Variants in AMBRA1 observed in about 807,000 individuals in gnomAD.
AMBRA1 encodes the protein activating molecule in BECN1-regulated autophagy protein 1.
A neutral mutation model predicts 125.4 loss-of-function variants in AMBRA1; 47 were observed. The observed-to-expected ratio is 0.37, with a 90% CI of 0.30 to 0.48. The LOEUF (loss-of-function observed/expected upper bound fraction) is 0.48. AMBRA1 is among the 20% of genes least tolerant of loss of function. The probability of loss-of-function intolerance (pLI) is 0.99; values close to 1 mark genes in which losing one functional copy is unlikely to be tolerated. For synonymous variants in AMBRA1, 626 were observed against 655.5 expected (o/e 0.95, Z 0.69); for missense variants, 1,331 against 1,693.4 (o/e 0.79, Z 3.76).
At chr11:46,410,787 T>C (rs1263308989) in intron 15 of AMBRA1, among the ~76,000 whole-genome samples, 1 of 152,110 alleles carries the variant, frequency 6.6e-6, no homozygotes, top group African/African-American at 2.4e-5. Flanking sequence ...CCCTGCCCAA[T>C]GGGCATGCCT....
chr11:46,592,901 G>C (rs1292031181), intron 1 of AMBRA1, among the ~76,000 whole-genome samples: 1 of 152,088 alleles, frequency 6.6e-6, no homozygotes, highest in African/African-American at 2.4e-5. Context: ...AAACACCATA[G>C]TTATAAGATT....
chr11:46,477,030 G>C (rs1390052425), intron 11 of AMBRA1, among the ~76,000 whole-genome samples: 1 of 151,078 alleles, frequency 6.6e-6, no homozygotes, highest in Non-Finnish European at 1.5e-5. Flanking sequence ...AGAATCACTT[G>C]AACCTGGGAG....
intron 9 of AMBRA1, among the ~76,000 whole-genome samples, chr11:46,497,234 C>T (rs1231780264): frequency 6.6e-6 from 1 of 151,944 alleles, no homozygotes; most frequent in Non-Finnish European, 1.5e-5. Context: ...AGAGAGGGTG[C>T]AAAATATGGT....
Position 46,494,179 on chromosome 11 carries a change from G to A in AMBRA1, c.2365C>T (p.Arg789Ter), listed in dbSNP as rs1950555062. 3.1e-6 allele frequency: 5 copies of A among 1,606,190 alleles called. No homozygotes were observed. The highest frequency in any genetic ancestry group is 1.3e-5 in the African/African-American group (1 of 74,816). The change falls in exon 10 of 18, where the codon CGA becomes TGA. Residue 789 changes from arginine to a stop codon, truncating the protein, a stop_gained. Transcript: ENST00000683756. LOFTEE classifies it high-confidence loss of function. ...GACATCCGGGCATTGCGTGGAGCTC[G>A]GTGCCTGGATCTGTCACCATTGTCC... ...FEDNGDRSRH[R>*]APRNARMSAP... is the part of the protein sequence containing the mutation.
chr11:46,514,016 T>C (rs979736500), intron 7 of AMBRA1, among the ~76,000 whole-genome samples: 1 of 152,094 alleles, frequency 6.6e-6, no homozygotes, highest in African/African-American at 2.4e-5. Context: ...ATCAAGCTCC[T>C]GCCCCAGAAC....
intron 11 of AMBRA1, among the ~76,000 whole-genome samples, chr11:46,472,943 C>A (rs1949661780): frequency 6.6e-6 from 1 of 152,158 alleles, no homozygotes; most frequent in Non-Finnish European, 1.5e-5. Context: ...AAATCCCACT[C>A]TAGAACACAG....
chr11:46,440,020 T>G (rs1241005036), intron 12 of AMBRA1, among the ~76,000 whole-genome samples: 1 of 152,168 alleles, frequency 6.6e-6, no homozygotes, highest in Non-Finnish European at 1.5e-5. Flanking sequence ...CCAAGTGGAA[T>G]AATAATTTGG....
In AMBRA1 at chr11:46,494,025, A is replaced by G. The variant is rs776089429; in HGVS notation, c.2420+99T>C. The G allele has an allele frequency of 4.2e-5, 50 of 1,199,206 alleles. 1 individual carries two copies. The highest frequency in any genetic ancestry group is 5.9e-5 in the Non-Finnish European group (49 of 835,532). 74.3% of individuals were successfully genotyped at this position (1,199,206 alleles called of 1,614,324 possible). On this transcript the variant is annotated intron_variant, in intron 10 of 17. Coordinates refer to ENST00000683756, the MANE Select transcript of AMBRA1 (RefSeq NM_001387011.1). ...TGGGCTATGGGCCCACTAGGAAACA[A>G]TGCCAGATGTGGACAATTCAAAGAC...
intron 9 of AMBRA1, among the ~76,000 whole-genome samples, chr11:46,497,625 A>T (rs1950684311): frequency 6.6e-6 from 1 of 152,240 alleles, no homozygotes; most frequent in African/African-American, 2.4e-5. Context: ...AGGATAAAAT[A>T]GCCTATAACC....
intron 7 of AMBRA1, among the ~76,000 whole-genome samples, chr11:46,524,371 C>T (rs1951880508): frequency 2.0e-5 from 3 of 152,310 alleles, no homozygotes; most frequent in African/African-American, 7.2e-5. Context: ...CTACAATGCA[C>T]AGGACAGCCT....
chr11:46,399,902 C>A (rs1157082340), intron 17 of AMBRA1, among the ~76,000 whole-genome samples: 2 of 146,618 alleles, frequency 1.4e-5, no homozygotes, highest in East Asian at 1.9e-4. Flanking sequence ...TGTGTGGGAA[C>A]AGAAAAGACT....
chr11:46,447,725 T>C (rs1177526494), intron 11 of AMBRA1, among the ~76,000 whole-genome samples: 4 of 27,500 alleles, frequency 1.5e-4, no homozygotes, highest in East Asian at 1.2e-3. Context: ...GATAGATAGA[T>C]AGATAGATAG....
chr11:46,408,043 A>G (rs1203368693), intron 17 of AMBRA1, among the ~76,000 whole-genome samples: 1 of 152,170 alleles, frequency 6.6e-6, no homozygotes, highest in Non-Finnish European at 1.5e-5. Flanking sequence ...GGGGCTGATG[A>G]TAGGCCAGGC....
chr11:46,579,312 C>T (rs547315027), intron 1 of AMBRA1, among the ~76,000 whole-genome samples: 89 of 152,048 alleles, frequency 5.9e-4, no homozygotes, highest in Non-Finnish European at 1.0e-3. Context: ...ACAAAATTAG[C>T]CGTGTGTGGT....
At chr11:46,570,634 T>G (rs971067394) in intron 1 of AMBRA1, among the ~76,000 whole-genome samples, 1 of 152,152 alleles carries the variant, frequency 6.6e-6, no homozygotes, top group African/African-American at 2.4e-5. Flanking sequence ...TGCCCCCCCA[T>G]TGAACAGTAA....
intron 1 of AMBRA1, among the ~76,000 whole-genome samples, chr11:46,573,841 G>C (rs1432059494): frequency 1.8e-5 from 2 of 110,710 alleles, no homozygotes; most frequent in Non-Finnish European, 3.4e-5. Flanking sequence ...ACAGTCCCCA[G>C]AGTGTGATAT....
intron 7 of AMBRA1, among the ~76,000 whole-genome samples, chr11:46,539,013 T>C (rs1952614790): frequency 6.6e-6 from 1 of 151,970 alleles, no homozygotes; most frequent in Non-Finnish European, 1.5e-5. Context: ...TAGAGAACAT[T>C]TCCATCAGTG....
At chr11:46,525,562 C>T (rs939086072) in intron 7 of AMBRA1, among the ~76,000 whole-genome samples, 1 of 152,124 alleles carries the variant, frequency 6.6e-6, no homozygotes, top group Non-Finnish European at 1.5e-5. Flanking sequence ...ACCAGCCTGA[C>T]CAACACGGTG....
rs1424066939 is a variant in AMBRA1, at chr11:46,546,900, G to A, written c.378+213C>T. 68 of 392,126 alleles carry A rather than the reference G, an allele frequency of 1.7e-4. No individual in the cohort carries two copies. The East Asian group carries it at 2.7e-3, about 16-fold the overall frequency. The allele number at this position is 392,126 out of a possible 1,614,324, so 24.3% of individuals were successfully genotyped here. On this transcript the variant is annotated intron_variant, in intron 4 of 17. Coordinates refer to ENST00000683756, the MANE Select transcript of AMBRA1 (RefSeq NM_001387011.1). Reference sequence around the variant, plus strand: ...AGCCTGGCCAACATAGTGAATCCCCGTCTCTACTAAAAACACAAAAATGAG... The same window carrying A: ...AGCCTGGCCAACATAGTGAATCCCCATCTCTACTAAAAACACAAAAATGAG...
Sources: allele counts gnomAD v4.1 joint callset (sites outside exome capture counted in the v4.1 genomes callset), GRCh38; gene constraint gnomAD v4.1.1; transcripts MANE v1.5; gene names NCBI Gene and HGNC (gene_info 2026-07-23, HGNC 2026-07-21).